CDIN1: variants seen among roughly 807,000 people sequenced by gnomAD.
CDIN1 encodes the protein CDAN1 interacting nuclease 1, also known as CDAN1-interacting nuclease 1.
Under a neutral mutation model 45.3 loss-of-function variants are expected in CDIN1, and 33 were observed. That is an observed-to-expected ratio of 0.73 (90% CI 0.55 to 0.97). The LOEUF (loss-of-function observed/expected upper bound fraction) is 0.97, where lower values mean the gene tolerates loss of function less well. Among genes scored for constraint, CDIN1 ranks in the 50% least tolerant of loss-of-function variants. The probability of loss-of-function intolerance (pLI) is 0.00; values close to 1 mark genes in which losing one functional copy is unlikely to be tolerated. For synonymous variants in CDIN1, 118 were observed against 124.4 expected (o/e 0.95, Z 0.34); for missense variants, 303 against 339.4 (o/e 0.89, Z 0.84).
intron 5 of CDIN1, among the ~76,000 whole-genome samples, chr15:36,678,897 TCATGCTAAGGAAAG>T (rs2041749192): frequency 6.6e-6 from 1 of 152,180 alleles, no homozygotes. Flanking sequence ...TTCTCTGACC[TCATGCTAAGGAAAG>T]CAAGAGCTAT....
At chr15:36,791,873 G>T (rs1019318309) in intron 10 of CDIN1, among the ~76,000 whole-genome samples, 44 of 152,182 alleles carry the variant, frequency 2.9e-4, no homozygotes, top group Non-Finnish European at 5.9e-5. Flanking sequence ...TTCACACAAA[G>T]TAGGGCCTTT....
intron 4 of CDIN1, among the ~76,000 whole-genome samples, chr15:36,656,063 C>T (rs957467433): frequency 6.6e-6 from 1 of 152,116 alleles, no homozygotes; most frequent in African/African-American, 2.4e-5. Context: ...TGGCTACAGA[C>T]TAGTACAGAA....
intron 1 of CDIN1, among the ~76,000 whole-genome samples, chr15:36,606,287 A>G (rs2038376630): frequency 6.6e-6 from 1 of 151,942 alleles, no homozygotes; most frequent in Non-Finnish European, 1.5e-5. Flanking sequence ...GTTCTTTTTC[A>G]TGGAAAAGGA....
At chr15:36,609,974 C>A (rs1223344045) in intron 1 of CDIN1, among the ~76,000 whole-genome samples, 1 of 152,218 alleles carries the variant, frequency 6.6e-6, no homozygotes, top group South Asian at 2.1e-4. Flanking sequence ...CCTTGTACAG[C>A]TCTCTGTGTG....
In CDIN1 at chr15:36,579,888, G is replaced by A; in HGVS notation, c.28G>A (p.Glu10Lys). The change falls in exon 1 of 11, where the codon GAG (glutamate) becomes AAG (lysine). Residue 10 changes from glutamate (E) to lysine (K), a missense_variant. Physicochemically the swap from Glu to Lys is moderately conservative, Grantham distance 56. Transcript: ENST00000566621. ...GATACTGACCAAAGCTCAGTACGAC[G>A]AGATAGCCCAGTGCCTAGTGTCTGT... MILTKAQYD[E>K]IAQCLVSVPP... The A allele has an allele frequency of 6.2e-7, 1 of 1,613,986 alleles. No individual in the cohort carries two copies. Among genetic ancestry groups the A allele is most frequent in the Non-Finnish European group, 8.5e-7 (1 of 1,179,878 alleles).
At chr15:36,596,189 ATTT>A (rs11342046) in intron 1 of CDIN1, among the ~76,000 whole-genome samples, 2 of 149,792 alleles carry the variant, frequency 1.3e-5, no homozygotes, top group Non-Finnish European at 3.0e-5. Context: ...AAAAAAGCTC[ATTT>A]TTTTTTTTTA....
At chr15:36,708,005 T>G (rs1395536295) in intron 8 of CDIN1, 1 of 152,208 alleles carries the variant, frequency 6.6e-6, no homozygotes, top group African/African-American at 2.4e-5. Flanking sequence ...GGATATTGAC[T>G]TTTAACAAAA....
intron 1 of CDIN1, among the ~76,000 whole-genome samples, chr15:36,630,339 T>C (rs1210913377): frequency 6.6e-6 from 1 of 152,186 alleles, no homozygotes; most frequent in Non-Finnish European, 1.5e-5. Context: ...ATCTTAGGGC[T>C]GTAAGTAGAG....
chr15:36,597,160 C>G (rs2037874276), intron 1 of CDIN1, among the ~76,000 whole-genome samples: 1 of 152,044 alleles, frequency 6.6e-6, no homozygotes, highest in Admixed American at 6.6e-5. Flanking sequence ...ATTGTTTATC[C>G]CTTTAAGTGC....
chr15:36,759,128 C>A (rs1483499594), intron 10 of CDIN1, among the ~76,000 whole-genome samples: 1 of 152,056 alleles, frequency 6.6e-6, no homozygotes. Flanking sequence ...AAGCATTCCA[C>A]CCCACCAAGA....
At chr15:36,654,513 C>CAAAAA (rs35679788) in intron 4 of CDIN1, among the ~76,000 whole-genome samples, 2 of 95,290 alleles carry the variant, frequency 2.1e-5, no homozygotes, top group Non-Finnish European at 4.2e-5. Flanking sequence ...AGATGGATGC[C>CAAAAA]AAAAAAAAAA....
intron 5 of CDIN1, among the ~76,000 whole-genome samples, chr15:36,665,642 A>G (rs1478000034): frequency 1.3e-5 from 2 of 151,596 alleles, no homozygotes; most frequent in African/African-American, 2.4e-5. Flanking sequence ...GCACAGAATC[A>G]AGGATTGATG....
intron 10 of CDIN1, among the ~76,000 whole-genome samples, chr15:36,720,246 ATTAT>A (rs2043360540): frequency 1.5e-5 from 1 of 68,148 alleles, no homozygotes; most frequent in South Asian, 3.9e-4. Context: ...TTATTTATTT[ATTAT>A]TTATTATTTA....
At chr15:36,640,781 T>C (rs1011840453) in intron 1 of CDIN1, 1 of 376,424 alleles carries the variant, frequency 2.7e-6, no homozygotes, top group African/African-American at 2.2e-5. Flanking sequence ...TCCCAACTCT[T>C]TGAGGCTCTT....
intron 5 of CDIN1, among the ~76,000 whole-genome samples, chr15:36,661,038 A>G (rs1470335771): frequency 1.3e-5 from 2 of 152,146 alleles, no homozygotes; most frequent in Admixed American, 6.6e-5. Flanking sequence ...GGAATCACCC[A>G]GGGAGGTGGG....
intron 10 of CDIN1, among the ~76,000 whole-genome samples, chr15:36,712,447 G>A (rs960175326): frequency 4.0e-5 from 6 of 151,606 alleles, no homozygotes; most frequent in African/African-American, 1.2e-4. Flanking sequence ...TGTGTTTTTA[G>A]TAGACAGGGG....
At chr15:36,624,151 A>G (rs1185662855) in intron 1 of CDIN1, among the ~76,000 whole-genome samples, 2 of 152,222 alleles carry the variant, frequency 1.3e-5, no homozygotes, top group Non-Finnish European at 2.9e-5. Flanking sequence ...AAAATTTAGT[A>G]TATAACAAAG....
intron 4 of CDIN1, 29 bp downstream of exon 4, chr15:36,654,187 A>G: frequency 1.3e-6 from 2 of 1,534,342 alleles, no homozygotes; most frequent in East Asian, 4.8e-5. Context: ...TTTTATTTAA[A>G]CCTGCGTGTA....
intron 5 of CDIN1, among the ~76,000 whole-genome samples, chr15:36,679,566 A>C (rs2140604944): frequency 6.6e-6 from 1 of 152,276 alleles, no homozygotes; most frequent in South Asian, 2.1e-4. Flanking sequence ...GTCTGTTTGA[A>C]AGTGTTATTC....
Sources: allele counts gnomAD v4.1 joint callset (sites outside exome capture counted in the v4.1 genomes callset), GRCh38; gene constraint gnomAD v4.1.1; transcripts MANE v1.5; gene names NCBI Gene and HGNC (gene_info 2026-07-23, HGNC 2026-07-21).